CNTN4: variants seen among roughly 807,000 people sequenced by gnomAD.
The protein encoded by CNTN4 is contactin 4.
Under a neutral mutation model 122.5 loss-of-function variants are expected in CNTN4, and 77 were observed. The observed-to-expected ratio is 0.63, with a 90% confidence interval of 0.52 to 0.76. CNTN4 has a LOEUF of 0.76. Among genes scored for constraint, CNTN4 ranks in the 30% least tolerant of loss-of-function variants. CNTN4 has a pLI of 0.00. For missense variants in CNTN4, 1,256 were observed against 1,259.1 expected, an observed-to-expected ratio of 1.00 and a Z score of 0.04; for synonymous variants, 512 against 447.0, an observed-to-expected ratio of 1.15 and a Z score of -1.83.
At chr3:2,844,282 C>A (rs535956643) in intron 7 of CNTN4, among the ~76,000 whole-genome samples, 15 of 152,352 alleles carry the variant, frequency 9.8e-5, no homozygotes, top group Non-Finnish European at 1.8e-4. Context: ...TGACATAATA[C>A]TCCTTTTTGA....
At chr3:2,209,622 T>C (rs2038518038) in intron 2 of CNTN4, among the ~76,000 whole-genome samples, 1 of 152,186 alleles carries the variant, frequency 6.6e-6, no homozygotes, top group South Asian at 2.1e-4. Flanking sequence ...AAATGGTATC[T>C]TCCCATTGAA....
Position 2,642,105 on chromosome 3 carries a change from C to T in CNTN4, c.55+70547C>T, listed in dbSNP as rs571012718. ...CCCGCAATAGGCTGTCTGCAAGCTG[C>T]GGAGCAAGGAAGCCAGTCCAAATCC... On this transcript the variant is annotated intron_variant, in intron 4 of 24. Coordinates refer to ENST00000418658, the MANE Select transcript of CNTN4 (RefSeq NM_175607.3). Among the ~76,000 whole-genome samples, 9 of 152,298 alleles carry T rather than the reference C, an allele frequency of 5.9e-5. No individual in the cohort carries two copies. The East Asian group carries it at 9.6e-4, about 16-fold the overall frequency.
At chr3:2,561,079 T>G (rs2078933780) in intron 3 of CNTN4, among the ~76,000 whole-genome samples, 1 of 152,164 alleles carries the variant, frequency 6.6e-6, no homozygotes, top group Non-Finnish European at 1.5e-5. Flanking sequence ...CCCCACTAAG[T>G]GTATCCAAGT....
At chr3:2,759,513 C>G (rs2149678668) in intron 6 of CNTN4, among the ~76,000 whole-genome samples, 1 of 152,298 alleles carries the variant, frequency 6.6e-6, no homozygotes, top group African/African-American at 2.4e-5. Flanking sequence ...TATATTTACC[C>G]ATTCATCAGT....
At chr3:2,996,728 T>A (rs116558949) in intron 14 of CNTN4, among the ~76,000 whole-genome samples, 1 of 152,186 alleles carries the variant, frequency 6.6e-6, no homozygotes, top group Non-Finnish European at 1.5e-5. Flanking sequence ...CTGGCTTGCA[T>A]TGAAAACCTC....
At chr3:2,755,527 G>C (rs1576671419) in intron 6 of CNTN4, among the ~76,000 whole-genome samples, 1 of 152,286 alleles carries the variant, frequency 6.6e-6, no homozygotes, top group Middle Eastern at 3.4e-3. Flanking sequence ...ACTGAGTATA[G>C]TACTAGACAG....
At chr3:2,656,713 A>G (rs190967446) in intron 4 of CNTN4, among the ~76,000 whole-genome samples, 9 of 152,366 alleles carry the variant, frequency 5.9e-5, no homozygotes, top group Non-Finnish European at 8.8e-5. Flanking sequence ...GTACTAGCTT[A>G]TGTACAAAAA....
chr3:2,942,868 C>T (rs996824042), intron 13 of CNTN4, among the ~76,000 whole-genome samples: 1 of 152,118 alleles, frequency 6.6e-6, no homozygotes, highest in African/African-American at 2.4e-5. Context: ...GCACAGAATA[C>T]ATCAAGGGAC....
chr3:2,885,896 T>C (rs1031263825), intron 9 of CNTN4, among the ~76,000 whole-genome samples: 1 of 152,192 alleles, frequency 6.6e-6, no homozygotes, highest in African/African-American at 2.4e-5. Context: ...GAGACTGTTA[T>C]CTGGAAGCCT....
intron 13 of CNTN4, among the ~76,000 whole-genome samples, chr3:2,928,395 G>A (rs982011724): frequency 1.3e-5 from 2 of 152,156 alleles, no homozygotes; most frequent in African/African-American, 4.8e-5. Flanking sequence ...ATAGAGAAGA[G>A]GGAAAATTAA....
intron 4 of CNTN4, among the ~76,000 whole-genome samples, chr3:2,604,826 CTTG>C (rs1420619673): frequency 6.6e-6 from 1 of 152,090 alleles, no homozygotes; most frequent in Non-Finnish European, 1.5e-5. Context: ...CTCCTGCCCC[CTTG>C]TTGTTGTTTT....
chr3:2,733,879 T>C (rs1352757478), intron 4 of CNTN4, among the ~76,000 whole-genome samples: 1 of 152,180 alleles, frequency 6.6e-6, no homozygotes, highest in Non-Finnish European at 1.5e-5. Context: ...TGTGCTTTCA[T>C]AAATCTTCTC....
intron 7 of CNTN4, among the ~76,000 whole-genome samples, chr3:2,848,775 A>T (rs73805416): frequency 6.6e-6 from 1 of 152,172 alleles, no homozygotes; most frequent in African/African-American, 2.4e-5. Flanking sequence ...TGGCCTTTAT[A>T]TGCTAACTTG....
chr3:2,510,466 C>A (rs910584183), intron 3 of CNTN4, among the ~76,000 whole-genome samples: 2 of 151,506 alleles, frequency 1.3e-5, no homozygotes, highest in African/African-American at 4.8e-5. Context: ...CCTTCTTTAT[C>A]ATACAGGCTC....
intron 3 of CNTN4, among the ~76,000 whole-genome samples, chr3:2,410,514 A>G (rs1559528182): frequency 6.6e-6 from 1 of 152,220 alleles, no homozygotes; most frequent in Non-Finnish European, 1.5e-5. Flanking sequence ...CCTCCATTTT[A>G]TCCTCTCAGA....
chr3:2,593,148 C>A (rs2080580876), intron 4 of CNTN4, among the ~76,000 whole-genome samples: 1 of 152,152 alleles, frequency 6.6e-6, no homozygotes, highest in African/African-American at 2.4e-5. Context: ...TTGGTCTATA[C>A]ATTTTCTGAA....
At chr3:2,913,267 A>G (rs1312151095) in intron 12 of CNTN4, among the ~76,000 whole-genome samples, 1 of 152,264 alleles carries the variant, frequency 6.6e-6, no homozygotes, top group Non-Finnish European at 1.5e-5. Context: ...TACAAGATAC[A>G]TAAAACAAAT....
chr3:2,201,216 A>G (rs956972387), intron 2 of CNTN4, among the ~76,000 whole-genome samples: 4 of 152,200 alleles, frequency 2.6e-5, no homozygotes, highest in Non-Finnish European at 4.4e-5. Flanking sequence ...GGACCTTAAA[A>G]TGAGGGAAAC....
intron 6 of CNTN4, among the ~76,000 whole-genome samples, chr3:2,779,073 A>T (rs1194761422): frequency 6.6e-6 from 1 of 152,192 alleles, no homozygotes; most frequent in Non-Finnish European, 1.5e-5. Flanking sequence ...TAATTGTTTT[A>T]TATATAGCTG....
Sources: allele counts gnomAD v4.1 joint callset (sites outside exome capture counted in the v4.1 genomes callset), GRCh38; gene constraint gnomAD v4.1.1; transcripts MANE v1.5; gene names NCBI Gene and HGNC (gene_info 2026-07-23, HGNC 2026-07-21).